The following MAS1 variants were observed in gnomAD, a reference collection of about 807,000 sequenced individuals.
The protein encoded by MAS1 is proto-oncogene Mas.
For missense variants in MAS1, 387 were observed against 409.7 expected, an observed-to-expected ratio of 0.94 and a Z score of 0.48; for synonymous variants, 163 against 164.2, an observed-to-expected ratio of 0.99 and a Z score of 0.05.
At position 159,911,273 on chromosome 6, in the gene MAS1, G is replaced by A. The variant is rs1462063273; in HGVS notation, c.*3340G>A. ...GACTTTTTGACCCAATGTCCTGCAG[G>A]TGCTTGTAACCCATTCATTTCCCCA... On this transcript the variant is annotated 3_prime_UTR_variant, in exon 3 of 3. Transcript: ENST00000674077. 6.6e-6 allele frequency: 1 copy of A among 150,418 alleles called. No individual in the cohort carries two copies. The highest frequency in any genetic ancestry group is 2.5e-5 in the African/African-American group (1 of 40,626). 9.3% of individuals were successfully genotyped at this position (150,418 alleles called of 1,614,324 possible). A position where few individuals can be genotyped will look rare whatever the true frequency, so the allele number is the denominator to read the frequency against.
rs771015772 is a variant in MAS1, at chr6:159,907,555, G to A, written c.600G>A (p.Thr200=). The change falls in exon 3 of 3, where the codon ACG becomes ACA. Residue 200 remains threonine (T), a synonymous_variant. Transcript: ENST00000674077. ...FIAILSFLVF[T]PLMLVSSTIL... ...CCATCCTGAGCTTCCTGGTCTTCAC[G>A]CCCCTCATGCTGGTGTCCAGCACCA... 27 of 1,613,830 alleles carry A rather than the reference G, an allele frequency of 1.7e-5. No homozygotes were observed. The highest frequency in any genetic ancestry group is 8.3e-5 in the Admixed American group (5 of 59,992).
chr6:159,915,656 A>C lies in MAS1; in HGVS notation c.*7723A>C, dbSNP rs1001082326. The C allele has an allele frequency of 6.6e-6, 1 of 152,250 alleles. No individual in the cohort carries two copies. The highest frequency in any genetic ancestry group is 2.1e-4 in the South Asian group (1 of 4,832). The allele number at this position is 152,250 out of a possible 1,614,324, so 9.4% of individuals were successfully genotyped here. On this transcript the variant is annotated 3_prime_UTR_variant, in exon 3 of 3. Transcript: ENST00000674077. ...GTAGCTTGGCAAGTGTCAACAAGTT[A>C]ATCTCTGTGACTGGTGACTTAGTTG...
At chr6:159,892,427 C>A (rs1782709866) in intron 1 of MAS1, among the ~76,000 whole-genome samples, 1 of 152,148 alleles carries the variant, frequency 6.6e-6, no homozygotes, top group Non-Finnish European at 1.5e-5. Context: ...GTTTTATTGG[C>A]TTTTCTCTCT....
rs1358927321 is a variant in MAS1, at chr6:159,909,488, G to A, written c.*1555G>A. ...AAGGACCCCACTGCCAGCCAAGCTT[G>A]GATGCAGGAGGCTTTTCAGTGGGTG... On this transcript the variant is annotated 3_prime_UTR_variant, in exon 3 of 3. Coordinates refer to ENST00000674077, the MANE Select transcript of MAS1 (RefSeq NM_002377.4). 1.3e-5 allele frequency: 2 copies of A among 152,232 alleles called. No individual in the cohort carries two copies. The highest frequency in any genetic ancestry group is 2.9e-5 in the Non-Finnish European group (2 of 68,048). 9.4% of individuals were successfully genotyped at this position (152,232 alleles called of 1,614,324 possible). A position where few individuals can be genotyped will look rare whatever the true frequency, so the allele number is the denominator to read the frequency against.
At chr6:159,899,875 G>A (rs1479714065) in intron 2 of MAS1, among the ~76,000 whole-genome samples, 2 of 151,844 alleles carry the variant, frequency 1.3e-5, no homozygotes, top group Admixed American at 6.6e-5. Flanking sequence ...GTGAAACCCC[G>A]TCTCTACTAA....
At chr6:159,895,983 T>A (rs1782750205) in intron 1 of MAS1, among the ~76,000 whole-genome samples, 1 of 152,184 alleles carries the variant, frequency 6.6e-6, no homozygotes, top group African/African-American at 2.4e-5. Context: ...CAGCAGCAAA[T>A]GGATATGTCC....
In MAS1 at chr6:159,916,888, C is replaced by T. The variant is rs560850018; in HGVS notation, c.*8955C>T. On this transcript the variant is annotated 3_prime_UTR_variant, in exon 3 of 3. Transcript: ENST00000674077. The stretch of plus-strand genomic sequence containing the variant: ...GCTTAGATGAACGAGGATGGCGGCA[C>T]GCCAACAAATTCATTATGGACACTA... 3.8e-4 allele frequency among the ~76,000 whole-genome samples: 58 copies of T among 152,342 alleles called. No homozygotes were observed. The Middle Eastern group carries it at 0.014, about 36-fold the overall frequency.
chr6:159,908,240 G>A lies in MAS1; in HGVS notation c.*307G>A. 5.0e-6 allele frequency: 1 copy of A among 201,932 alleles called. No individual in the cohort carries two copies. The highest frequency in any genetic ancestry group is 2.3e-5 in the African/African-American group (1 of 43,500). The allele number at this position is 201,932 out of a possible 1,614,324, so 12.5% of individuals were successfully genotyped here. On this transcript the variant is annotated 3_prime_UTR_variant, in exon 3 of 3. Coordinates refer to ENST00000674077, the MANE Select transcript of MAS1 (RefSeq NM_002377.4). The stretch of plus-strand genomic sequence containing the variant: ...ACGGGACAAGGTAACAAAACTATTT[G>A]TTGGAACTTGAGGAGGCAGCTTGAT...
rs976104718 is a variant in MAS1 at position 159,914,271 on chromosome 6, GT to G, written c.*6342del. The G allele has an allele frequency of 1.3e-5, 2 of 151,948 alleles. No homozygotes were observed. Among genetic ancestry groups the G allele is most frequent in the Non-Finnish European group, 2.9e-5 (2 of 68,008 alleles). 9.4% of individuals were successfully genotyped at this position (151,948 alleles called of 1,614,324 possible). On this transcript the variant is annotated 3_prime_UTR_variant, in exon 3 of 3. Coordinates refer to ENST00000674077, the MANE Select transcript of MAS1 (RefSeq NM_002377.4). ...CTTTGTTATCTCTTTTGATGTTGTC[GT>G]TTTCCCCTGAGTTTTCACAGTCCTT...
upstream of MAS1, among the ~76,000 whole-genome samples, chr6:159,890,370 G>A (rs1782683008): frequency 6.6e-6 from 1 of 152,156 alleles, no homozygotes; most frequent in South Asian, 2.1e-4. Context: ...CTCCCAGGAG[G>A]AGCCCCCGGA....
chr6:159,915,958 G>GGCCTT lies in MAS1; in HGVS notation c.*8025_*8026insGCCTT, dbSNP rs1401931331. On this transcript the variant is annotated 3_prime_UTR_variant, in exon 3 of 3. Coordinates refer to ENST00000674077, the MANE Select transcript of MAS1 (RefSeq NM_002377.4). Reference sequence around the variant, plus strand: ...GTCAACTCCCAGCTCTTCCTGGCCTGCCCTGTGCTCAGGCCGAGCATGGCC... The same window carrying GGCCTT: ...GTCAACTCCCAGCTCTTCCTGGCCTGGCCTTCCCTGTGCTCAGGCCGAGCATGGCC... The GGCCTT allele has an allele frequency of 2.0e-5, 3 of 152,370 alleles. No homozygotes were observed. Among genetic ancestry groups the GGCCTT allele is most frequent in the Non-Finnish European group, 4.4e-5 (3 of 68,136 alleles). The allele number at this position is 152,370 out of a possible 1,614,324, so 9.4% of individuals were successfully genotyped here. A position where few individuals can be genotyped will look rare whatever the true frequency, so the allele number is the denominator to read the frequency against.
In MAS1 at chr6:159,909,375, G is replaced by T. The variant is rs974533839; in HGVS notation, c.*1442G>T. 6.6e-6 allele frequency: 1 copy of T among 152,170 alleles called. No individual in the cohort carries two copies. Among genetic ancestry groups the T allele is most frequent in the Non-Finnish European group, 1.5e-5 (1 of 68,048 alleles). 9.4% of individuals were successfully genotyped at this position (152,170 alleles called of 1,614,324 possible). A position where few individuals can be genotyped will look rare whatever the true frequency, so the allele number is the denominator to read the frequency against. On this transcript the variant is annotated 3_prime_UTR_variant, in exon 3 of 3. Transcript: ENST00000674077. Reference sequence around the variant, plus strand: ...GGCAGTGATGTAATTGTTCTCTGTTGCTGCTTGTCCTTCCCCATCCTCTTC... The same window carrying T: ...GGCAGTGATGTAATTGTTCTCTGTTTCTGCTTGTCCTTCCCCATCCTCTTC...
chr6:159,896,234 G>T lies in MAS1; in HGVS notation c.-243-2952G>T, dbSNP rs1043179086. Among the ~76,000 whole-genome samples, 3 of 152,322 alleles carry T rather than the reference G, an allele frequency of 2.0e-5. No individual in the cohort carries two copies. In the East Asian group the frequency reaches 5.8e-4, roughly 29 times the overall value. On this transcript the variant is annotated intron_variant, in intron 1 of 2. Coordinates refer to ENST00000674077, the MANE Select transcript of MAS1 (RefSeq NM_002377.4). ...CACTTAAGCCCAGGAGATAGAGGCT[G>T]CAGTGAGCTGTGATCTCACTGCTGC...
rs557156677 is a variant in MAS1, at chr6:159,913,660, T to A, written c.*5727T>A. On this transcript the variant is annotated 3_prime_UTR_variant, in exon 3 of 3. Transcript: ENST00000674077. ...TGGGTTTCTTACAACATGGTGATTG[T>A]GTTCTGGAAGGAAGTCTCCTGAGAC... The A allele has an allele frequency of 2.8e-4, 42 of 152,324 alleles. No individual in the cohort carries two copies. The highest frequency in any genetic ancestry group is 9.9e-4 in the African/African-American group (41 of 41,566). The allele number at this position is 152,324 out of a possible 1,614,324, so 9.4% of individuals were successfully genotyped here.
Position 159,891,035 on chromosome 6 carries a change from A to T in MAS1, c.-342A>T, listed in dbSNP as rs1053860603. 1.3e-5 allele frequency among the ~76,000 whole-genome samples: 2 copies of T among 152,148 alleles called. No individual in the cohort carries two copies. The highest frequency in any genetic ancestry group is 4.8e-5 in the African/African-American group (2 of 41,418). ...TGCAGCCATCCTTCGAGATGTTGGG[A>T]CCGGAGACCCTGCAGGCTGGCTGGG... On this transcript the variant is annotated 5_prime_UTR_variant, in exon 1 of 3. Transcript: ENST00000674077.
upstream of MAS1, among the ~76,000 whole-genome samples, chr6:159,889,843 G>A (rs1244533773): frequency 6.6e-6 from 1 of 152,152 alleles, no homozygotes; most frequent in East Asian, 1.9e-4. Context: ...CCACTGGGAG[G>A]GCCGAGCTGC....
chr6:159,904,353 C>G (rs532063546), intron 2 of MAS1, among the ~76,000 whole-genome samples: 6 of 152,308 alleles, frequency 3.9e-5, no homozygotes, highest in Admixed American at 3.9e-4. Flanking sequence ...TCCTGACACT[C>G]CCCTGGACAT....
In MAS1 at chr6:159,916,889, G is replaced by A. The variant is rs918908175; in HGVS notation, c.*8956G>A. Among the ~76,000 whole-genome samples, 6 of 152,244 alleles carry A rather than the reference G, an allele frequency of 3.9e-5. No individual in the cohort carries two copies. The highest frequency in any genetic ancestry group is 2.1e-4 in the South Asian group (1 of 4,828). On this transcript the variant is annotated 3_prime_UTR_variant, in exon 3 of 3. Transcript: ENST00000674077. ...CTTAGATGAACGAGGATGGCGGCAC[G>A]CCAACAAATTCATTATGGACACTAA...
At chr6:159,897,169 C>T (rs13437031) in intron 1 of MAS1, among the ~76,000 whole-genome samples, 2,502 of 152,230 alleles carry the variant, frequency 0.016, 68 homozygotes, top group African/African-American at 0.057. Flanking sequence ...CCACCACCCC[C>T]GGCCGGAGAC....
Sources: gnomAD v4.1 joint callset for allele counts (sites outside exome capture counted in the v4.1 genomes callset) on GRCh38, gnomAD v4.1.1 for gene constraint, MANE v1.5 for transcripts, NCBI Gene and HGNC (gene_info 2026-07-23, HGNC 2026-07-21) for gene names.